MACROD2: variants seen among roughly 807,000 people sequenced by gnomAD.
The protein encoded by MACROD2 is ADP-ribose glycohydrolase MACROD2.
Under a neutral mutation model 70.4 loss-of-function variants are expected in MACROD2, and 36 were observed. The ratio of observed to expected loss-of-function variants is 0.51; its 90% CI spans 0.39 to 0.68. MACROD2 has a LOEUF of 0.68. MACROD2 is among the 30% of genes least tolerant of loss of function. MACROD2 has a pLI of 0.00. For synonymous variants in MACROD2, 172 were observed against 178.8 expected, an observed-to-expected ratio of 0.96 and a Z score of 0.30; for missense variants, 496 against 538.4, an observed-to-expected ratio of 0.92 and a Z score of 0.78.
intron 5 of MACROD2, among the ~76,000 whole-genome samples, chr20:14,771,756 A>G (rs1258992221): frequency 6.6e-6 from 1 of 151,736 alleles, no homozygotes; most frequent in Non-Finnish European, 1.5e-5. Context: ...ACACACACAC[A>G]CACACACATA....
intron 8 of MACROD2, among the ~76,000 whole-genome samples, chr20:15,723,808 G>A (rs1436415242): frequency 1.3e-5 from 2 of 152,124 alleles, no homozygotes; most frequent in Non-Finnish European, 2.9e-5. Flanking sequence ...AAATACTAGG[G>A]AGAGTAACTG....
chr20:14,113,059 G>A (rs1381203056), intron 3 of MACROD2, among the ~76,000 whole-genome samples: 2 of 151,856 alleles, frequency 1.3e-5, no homozygotes, highest in Non-Finnish European at 2.9e-5. Context: ...ATTAAACTTG[G>A]TGTTGTGTAA....
At chr20:15,955,703 T>C (rs771371187) in intron 12 of MACROD2, among the ~76,000 whole-genome samples, 17 of 152,272 alleles carry the variant, frequency 1.1e-4, no homozygotes, top group Non-Finnish European at 2.1e-4. Context: ...TAGTTTTAAA[T>C]TTTCAAAAAG....
intron 3 of MACROD2, among the ~76,000 whole-genome samples, chr20:14,398,152 A>T (rs1014825789): frequency 3.9e-5 from 6 of 152,096 alleles, no homozygotes; most frequent in African/African-American, 1.4e-4. Flanking sequence ...TTATCTGTGG[A>T]TGGACATTTA....
At chr20:15,651,017 A>G (rs2049635190) in intron 8 of MACROD2, among the ~76,000 whole-genome samples, 2 of 152,232 alleles carry the variant, frequency 1.3e-5, no homozygotes, top group African/African-American at 2.4e-5. Context: ...ATTGAAGTGA[A>G]TACAAATTAT....
At chr20:14,173,477 T>A (rs6079334) in intron 3 of MACROD2, among the ~76,000 whole-genome samples, 143,771 of 151,960 alleles carry the variant, frequency 0.95, 68,040 homozygotes, top group East Asian at 0.99. Flanking sequence ...GATTATTTTT[T>A]ATTTATGCTA....
intron 3 of MACROD2, among the ~76,000 whole-genome samples, chr20:14,450,178 T>C (rs1387686180): frequency 6.6e-6 from 1 of 152,140 alleles, no homozygotes; most frequent in African/African-American, 2.4e-5. Flanking sequence ...GTGCTATTAT[T>C]AATACAATGA....
chr20:15,125,515 T>G (rs2076059907), intron 5 of MACROD2, among the ~76,000 whole-genome samples: 1 of 152,240 alleles, frequency 6.6e-6, no homozygotes, highest in East Asian at 1.9e-4. Context: ...TGAATCTATA[T>G]CACCAAGAAG....
chr20:14,432,416 C>CTT (rs35409599), intron 3 of MACROD2, among the ~76,000 whole-genome samples: 36 of 140,950 alleles, frequency 2.6e-4, no homozygotes, highest in Middle Eastern at 3.6e-3. Context: ...AAGATAGGCA[C>CTT]TTTTTTTTTT....
chr20:15,299,301 C>T (rs778618832), intron 6 of MACROD2, among the ~76,000 whole-genome samples: 1 of 152,124 alleles, frequency 6.6e-6, no homozygotes. Context: ...AGGAGCAAAA[C>T]GGTCAGGGTC....
intron 8 of MACROD2, among the ~76,000 whole-genome samples, chr20:15,729,757 C>A (rs2050916737): frequency 6.6e-6 from 1 of 151,022 alleles, no homozygotes; most frequent in South Asian, 2.1e-4. Flanking sequence ...TTTTCTCCAT[C>A]CCTTTACTTT....
intron 8 of MACROD2, among the ~76,000 whole-genome samples, chr20:15,699,948 T>G (rs576521000): frequency 6.6e-6 from 1 of 151,946 alleles, no homozygotes; most frequent in Non-Finnish European, 1.5e-5. Flanking sequence ...TCTTCTACCC[T>G]CCCCCACACC....
At position 14,458,725 on chromosome 20, in the gene MACROD2, A is replaced by G. The variant is rs188027055; in HGVS notation, c.272-34754A>G. On this transcript the variant is annotated intron_variant, in intron 3 of 17. Coordinates refer to ENST00000684519, the MANE Select transcript of MACROD2 (RefSeq NM_001351661.2). Reference sequence around the variant, plus strand: ...CATACTACTAAATATAAAAGAAGGGAAAAAAAAGGCAAGCAGTTATGTTGA... The same window carrying G: ...CATACTACTAAATATAAAAGAAGGGGAAAAAAAGGCAAGCAGTTATGTTGA... Among the ~76,000 whole-genome samples the G allele has an allele frequency of 2.0e-3, 298 of 152,020 alleles. 3 individuals carry two copies. The highest frequency in any genetic ancestry group is 6.2e-3 in the African/African-American group (258 of 41,390).
At chr20:15,379,071 G>T (rs1017292793) in intron 6 of MACROD2, among the ~76,000 whole-genome samples, 1 of 152,090 alleles carries the variant, frequency 6.6e-6, no homozygotes, top group African/African-American at 2.4e-5. Flanking sequence ...ATATCAAGAG[G>T]TATGACTATA....
At chr20:14,716,018 T>G (rs2123673117) in intron 5 of MACROD2, among the ~76,000 whole-genome samples, 1 of 152,298 alleles carries the variant, frequency 6.6e-6, no homozygotes, top group East Asian at 1.9e-4. Context: ...CTATGAAAAC[T>G]TACTCTCCAC....
In MACROD2 at chr20:15,516,839, A is replaced by G. The variant is rs149913123; in HGVS notation, c.645+16992A>G. Among the ~76,000 whole-genome samples the G allele has an allele frequency of 6.2e-3, 941 of 152,304 alleles. 3 individuals are homozygous for G. The highest frequency in any genetic ancestry group is 0.01 in the Non-Finnish European group (685 of 68,018). ...TGTAGCCGCAAATCACAGTGGTATC[A>G]GCAGTCTTTGTGACTTTGTTATCAG... is the stretch of plus-strand genomic sequence containing the variant. On this transcript the variant is annotated intron_variant, in intron 8 of 17. Transcript: ENST00000684519.
intron 9 of MACROD2, among the ~76,000 whole-genome samples, chr20:15,883,201 C>G (rs181586498): frequency 4.6e-5 from 7 of 152,076 alleles, no homozygotes; most frequent in Admixed American, 4.6e-4. Flanking sequence ...TTGACTCTTC[C>G]TTTATTTTTC....
At chr20:14,727,381 A>T (rs2123696012) in intron 5 of MACROD2, among the ~76,000 whole-genome samples, 1 of 151,974 alleles carries the variant, frequency 6.6e-6, no homozygotes, top group African/African-American at 2.4e-5. Context: ...AAAATAATTT[A>T]AAAATTAGCC....
At chr20:14,459,814 C>A (rs2084346920) in intron 3 of MACROD2, among the ~76,000 whole-genome samples, 1 of 151,948 alleles carries the variant, frequency 6.6e-6, no homozygotes, top group Non-Finnish European at 1.5e-5. Flanking sequence ...CCATGGTGGT[C>A]TGCTGCACCC....
Sources: allele counts gnomAD v4.1 joint callset (sites outside exome capture counted in the v4.1 genomes callset), GRCh38; gene constraint gnomAD v4.1.1; transcripts MANE v1.5; gene names NCBI Gene and HGNC (gene_info 2026-07-23, HGNC 2026-07-21).